Variants in EPS15 observed in about 807,000 individuals in gnomAD.
EPS15 encodes epidermal growth factor receptor pathway substrate 15.
Under a neutral mutation model 113.8 loss-of-function variants are expected in EPS15, and 72 were observed. The observed-to-expected ratio is 0.63, with a 90% CI of 0.52 to 0.77. The LOEUF (loss-of-function observed/expected upper bound fraction) is 0.77. Ranked by LOEUF, EPS15 falls within the 30% of genes least tolerant of loss-of-function variation. EPS15 has a pLI of 0.00. For synonymous variants in EPS15, 344 were observed against 363.4 expected (o/e 0.95, Z 0.61); for missense variants, 1,048 against 1,045.8 (o/e 1.00, Z -0.03).
intron 1 of EPS15, among the ~76,000 whole-genome samples, chr1:51,493,262 G>A (rs1295119160): frequency 2.0e-5 from 3 of 151,892 alleles, no homozygotes; most frequent in African/African-American, 7.3e-5. Flanking sequence ...TCGGGAGGCT[G>A]AGGCAGGAGA....
At chr1:51,469,532 CA>C (rs998051553) in intron 4 of EPS15, among the ~76,000 whole-genome samples, 4 of 152,154 alleles carry the variant, frequency 2.6e-5, no homozygotes, top group Non-Finnish European at 5.9e-5. Context: ...GACATGATAA[CA>C]AAAGCCTTTA....
chr1:51,466,033 T>A (rs1047219757), intron 5 of EPS15, among the ~76,000 whole-genome samples: 1 of 147,028 alleles, frequency 6.8e-6, no homozygotes, highest in East Asian at 2.0e-4. Flanking sequence ...AGAGGAGCCA[T>A]AAAATATCTG....
chr1:51,382,714 C>T (rs576085345), intron 21 of EPS15, among the ~76,000 whole-genome samples: 4 of 152,142 alleles, frequency 2.6e-5, no homozygotes, highest in South Asian at 2.1e-4. Flanking sequence ...CCACTGTGCC[C>T]GGCCACCATT....
At chr1:51,517,163 G>C (rs7529219) in intron 1 of EPS15, among the ~76,000 whole-genome samples, 9,395 of 152,200 alleles carry the variant, frequency 0.062, 308 homozygotes, top group Non-Finnish European at 0.074. Context: ...TTATTTTTTC[G>C]TGTGCCTTCG....
chr1:51,434,916 C>A (rs1283569587), intron 12 of EPS15, among the ~76,000 whole-genome samples: 1 of 152,102 alleles, frequency 6.6e-6, no homozygotes, highest in East Asian at 1.9e-4. Context: ...AGGTGATTCA[C>A]CCATCTCAGC....
intron 13 of EPS15, among the ~76,000 whole-genome samples, chr1:51,413,557 T>C (rs1472122059): frequency 6.6e-6 from 1 of 152,244 alleles, no homozygotes; most frequent in Admixed American, 6.5e-5. Flanking sequence ...CACTTCACTA[T>C]GTATTTAAAC....
At chr1:51,405,812 C>G (rs1204223949) in intron 16 of EPS15, 93 bp downstream of exon 16, 1 of 1,039,478 alleles carries the variant, frequency 9.6e-7, no homozygotes, top group African/African-American at 1.6e-5. Flanking sequence ...TCAGATGAGG[C>G]AAGGCCATGT....
chr1:51,423,708 G>T, intron 12 of EPS15: 1 of 985,420 alleles, frequency 1.0e-6, no homozygotes, highest in Non-Finnish European at 1.2e-6. Context: ...TGTCTGCTCA[G>T]ATCAAGTGTG....
chr1:51,463,666 A>G lies in EPS15; in HGVS notation c.501+7T>C. The G allele has an allele frequency of 6.4e-7, 1 of 1,551,332 alleles. No homozygotes were observed. The highest frequency in any genetic ancestry group is 8.9e-7 in the Non-Finnish European group (1 of 1,129,432). On this transcript the variant is annotated splice_region_variant and intron_variant, in intron 7 of 24. Coordinates refer to ENST00000371733, the MANE Select transcript of EPS15 (RefSeq NM_001981.3). ...AAAATTACATTTCGGAGTAAATAAT[A>G]TCTTACTCTTCCAAGGATATCCACA...
chr1:51,357,389 AAAATATATATATATATATAT>A lies in EPS15; in HGVS notation c.2545-563_2545-544del, dbSNP rs1378984904. ...GAGATTCCATCTGAAAAAAAAAAAAAAAATATATATATATATATATATATATATATATATATATTTTTTTT... is the reference window on the plus strand; with the variant it reads ...GAGATTCCATCTGAAAAAAAAAAAAAATATATATATATATATATTTTTTTT... On this transcript the variant is annotated intron_variant, in intron 24 of 24. Transcript: ENST00000371733. Among the ~76,000 whole-genome samples, 79 of 57,664 alleles carry A rather than the reference AAAATATATATATATATATAT, an allele frequency of 1.4e-3. 3 individuals are homozygous for A. The highest frequency in any genetic ancestry group is 7.1e-3 in the African/African-American group (77 of 10,866). The allele number at this position is 57,664 out of a possible 152,430, so 37.8% of individuals were successfully genotyped here.
chr1:51,473,602 C>CA, intron 2 of EPS15, among the ~76,000 whole-genome samples: 1 of 150,228 alleles, frequency 6.7e-6, no homozygotes, highest in Non-Finnish European at 1.5e-5. Context: ...AAACAAACAA[C>CA]AACAACAACA....
At chr1:51,426,446 G>C (rs1198950582) in intron 12 of EPS15, among the ~76,000 whole-genome samples, 1 of 148,916 alleles carries the variant, frequency 6.7e-6, no homozygotes, top group East Asian at 2.0e-4. Flanking sequence ...TAGGTAGCAA[G>C]CCCTGGCTCC....
At chr1:51,426,936 T>G (rs1651275864) in intron 12 of EPS15, among the ~76,000 whole-genome samples, 1 of 151,726 alleles carries the variant, frequency 6.6e-6, no homozygotes, top group Non-Finnish European at 1.5e-5. Context: ...TCCTATTTGT[T>G]CTCTTTCTAA....
Position 51,389,383 on chromosome 1 carries a change from C to G in EPS15, c.2119+4998G>C, listed in dbSNP as rs1265062143. ...TATCATACTGAATGGGCAAAAACTGCAAGCATTCCCCTTGAAAACTGGCAC... is the reference window on the plus strand; with the variant it reads ...TATCATACTGAATGGGCAAAAACTGGAAGCATTCCCCTTGAAAACTGGCAC... On this transcript the variant is annotated intron_variant, in intron 21 of 24. Coordinates refer to ENST00000371733, the MANE Select transcript of EPS15 (RefSeq NM_001981.3). Among the ~76,000 whole-genome samples, 13 of 152,194 alleles carry G rather than the reference C, an allele frequency of 8.5e-5. No homozygotes were observed. In the South Asian group the frequency reaches 1.7e-3, roughly 19 times the overall value.
At chr1:51,461,231 A>G (rs1050337134) in intron 7 of EPS15, 81 bp from the exon 8 acceptor site, 9 of 1,045,336 alleles carry the variant, frequency 8.6e-6, no homozygotes, top group Non-Finnish European at 1.3e-5. Flanking sequence ...AAAGTTTATG[A>G]GCTAGGAATG....
intron 6 of EPS15, among the ~76,000 whole-genome samples, chr1:51,464,841 T>C (rs1654730964): frequency 6.6e-6 from 1 of 152,210 alleles, no homozygotes; most frequent in Admixed American, 6.5e-5. Context: ...ATTACAAGTT[T>C]TATAGTACGA....
intron 1 of EPS15, among the ~76,000 whole-genome samples, chr1:51,514,667 A>G (rs1036763422): frequency 6.6e-6 from 1 of 152,172 alleles, no homozygotes; most frequent in African/African-American, 2.4e-5. Flanking sequence ...GTCTGTTACT[A>G]GCATTCTGTC....
At chr1:51,491,299 A>G (rs896008619) in intron 1 of EPS15, among the ~76,000 whole-genome samples, 1 of 152,228 alleles carries the variant, frequency 6.6e-6, no homozygotes, top group Non-Finnish European at 1.5e-5. Flanking sequence ...AGGGCTGAGA[A>G]ATCAGAATGG....
intron 12 of EPS15, among the ~76,000 whole-genome samples, chr1:51,438,117 C>G (rs1459499059): frequency 6.6e-6 from 1 of 152,222 alleles, no homozygotes; most frequent in East Asian, 1.9e-4. Flanking sequence ...GACTATGACA[C>G]TAATGGAGTT....
Sources: allele counts gnomAD v4.1 joint callset (sites outside exome capture counted in the v4.1 genomes callset), GRCh38; gene constraint gnomAD v4.1.1; transcripts MANE v1.5; gene names NCBI Gene and HGNC (gene_info 2026-07-23, HGNC 2026-07-21).